Variants in CYP4F8 observed in about 807,000 individuals in gnomAD.
CYP4F8 encodes cytochrome P450 4F8.
In CYP4F8, 56 loss-of-function variants were observed where a neutral mutation model predicts 55.0. That is an observed-to-expected ratio of 1.02 (90% CI 0.82 to 1.27). CYP4F8 has a LOEUF of 1.27. CYP4F8 is among the 50% of genes most tolerant of loss of function. The pLI, the probability that CYP4F8 is intolerant of heterozygous loss-of-function variation, is 0.00. For synonymous variants in CYP4F8, 288 were observed against 267.3 expected, an observed-to-expected ratio of 1.08 and a Z score of -0.76; for missense variants, 680 against 682.4, an observed-to-expected ratio of 1.00 and a Z score of 0.04.
chr19:15,623,886 A>G (rs1599861382), intron 8 of CYP4F8, 79 bp from the exon 9 acceptor site: 1 of 1,596,688 alleles, frequency 6.3e-7, no homozygotes, highest in African/African-American at 1.3e-5. Flanking sequence ...CCTTCCTGAG[A>G]GCCTCAATGT....
rs1191307158 is a variant in CYP4F8 at position 15,630,566 on chromosome 19, T to C, written c.*1208T>C. Reference sequence around the variant, plus strand: ...CACATTTTCTTTATCCACTCCACCATTGATGGGCACCTGTGTTGATTCAGC... The same window carrying C: ...CACATTTTCTTTATCCACTCCACCACTGATGGGCACCTGTGTTGATTCAGC... On this transcript the variant is annotated 3_prime_UTR_variant, in exon 13 of 13. Coordinates refer to ENST00000612078, the MANE Select transcript of CYP4F8 (RefSeq NM_007253.4). 5 of 152,342 alleles carry C rather than the reference T, an allele frequency of 3.3e-5. No homozygotes were observed. Among genetic ancestry groups the C allele is most frequent in the East Asian group, 1.9e-4 (1 of 5,186 alleles). 9.4% of individuals were successfully genotyped at this position (152,342 alleles called of 1,614,324 possible).
chr19:15,616,680 C>T (rs992369559), intron 2 of CYP4F8, among the ~76,000 whole-genome samples: 7 of 152,174 alleles, frequency 4.6e-5, no homozygotes, highest in South Asian at 2.1e-4. Flanking sequence ...CACCCTCCCC[C>T]GTGCAGGGGC....
At chr19:15,619,957 C>A (rs8107048) in intron 5 of CYP4F8, among the ~76,000 whole-genome samples, 195 bp downstream of exon 5, 21,064 of 152,172 alleles carry the variant, frequency 0.14, 1,915 homozygotes, top group Middle Eastern at 0.23. Flanking sequence ...GTCTCTGACA[C>A]TTAGTAGGTG....
At chr19:15,622,466 A>AAGAAGGAG (rs1972207342) in intron 6 of CYP4F8, 126 bp downstream of exon 6, 1 of 1,313,700 alleles carries the variant, frequency 7.6e-7, no homozygotes, top group Non-Finnish European at 1.0e-6. Flanking sequence ...TTGAAGGACA[A>AAGAAGGAG]AGAAGGAGAG....
chr19:15,621,843 TCCCAAGTTCAC>T (rs1972197804), intron 5 of CYP4F8: 1 of 174,600 alleles, frequency 5.7e-6, no homozygotes, highest in Admixed American at 6.1e-5. Context: ...TAGAGAGATT[TCCCAAGTTCAC>T]CCAGCTTGTC....
At position 15,623,312 on chromosome 19, in the gene CYP4F8, C is replaced by G. The variant is rs368353482; in HGVS notation, c.855C>G (p.Asp285Glu). Residue 285 changes from aspartate (D) to glutamate (E), a missense_variant, in exon 7 of 13, where the codon GAC becomes GAG. By Grantham distance (45) the Asp-to-Glu change is conservative. Transcript: ENST00000612078. ...RRTLTSQGVD[D>E]FLQAKAKSKT... is the part of the protein sequence containing the mutation. ...CCCTCACTAGCCAGGGTGTTGATGA[C>G]TTCCTCCAAGCCAAGGCCAAGTCCA... is the stretch of plus-strand genomic sequence containing the variant. 2.7e-5 allele frequency: 43 copies of G among 1,613,950 alleles called. No individual in the cohort carries two copies. The highest frequency in any genetic ancestry group is 3.5e-5 in the Non-Finnish European group (41 of 1,180,022).
chr19:15,629,801 G>C lies in CYP4F8; in HGVS notation c.*443G>C, dbSNP rs937703390. On this transcript the variant is annotated 3_prime_UTR_variant, in exon 13 of 13. Transcript: ENST00000612078. ...ATGTGTAGAAGCCAAAGATTATGTGGTAATTCTGGTAACCTTTCTTAAGAG... is the reference window on the plus strand; with the variant it reads ...ATGTGTAGAAGCCAAAGATTATGTGCTAATTCTGGTAACCTTTCTTAAGAG... 1 of 154,662 alleles carries C rather than the reference G, an allele frequency of 6.5e-6. No individual in the cohort carries two copies. Among genetic ancestry groups the C allele is most frequent in the African/African-American group, 2.4e-5 (1 of 41,458 alleles). The allele number at this position is 154,662 out of a possible 1,614,324, so 9.6% of individuals were successfully genotyped here.
chr19:15,620,643 C>T (rs745623436), intron 5 of CYP4F8, among the ~76,000 whole-genome samples: 47 of 152,248 alleles, frequency 3.1e-4, no homozygotes, highest in Non-Finnish European at 6.2e-4. Flanking sequence ...CTGCCCTCCT[C>T]GGCCTCACAA....
Position 15,629,480 on chromosome 19 carries a change from G to C in CYP4F8, c.*122G>C. 2.2e-6 allele frequency: 3 copies of C among 1,363,504 alleles called. No individual in the cohort carries two copies. In the South Asian group the frequency reaches 4.6e-5, roughly 21 times the overall value. The allele number at this position is 1,363,504 out of a possible 1,614,324, so 84.5% of individuals were successfully genotyped here. ...CCTCAGTCCCGCGGATGGCCAGTAGGGGGCGCTGGAGGACTGCGGGGATCT... is the reference window on the plus strand; with the variant it reads ...CCTCAGTCCCGCGGATGGCCAGTAGCGGGCGCTGGAGGACTGCGGGGATCT... On this transcript the variant is annotated 3_prime_UTR_variant, in exon 13 of 13. Transcript: ENST00000612078.
At position 15,618,071 on chromosome 19, in the gene CYP4F8, G is replaced by C; in HGVS notation, c.270G>C (p.Arg90Ser). 6.2e-7 allele frequency: 1 copy of C among 1,614,066 alleles called. No homozygotes were observed. The highest frequency in any genetic ancestry group is 1.1e-5 in the South Asian group (1 of 91,074). Reference protein sequence around the residue: ...LVATYPQGFVRWLGPITPIIN... With the variant: ...LVATYPQGFVSWLGPITPIIN... ...CCACCTACCCCCAGGGCTTTGTGAG[G>C]TGGTTGGGCCCCATCACTCCCATCA... Residue 90 changes from arginine to serine, a missense_variant, in exon 3 of 13, where the codon AGG (arginine) becomes AGC (serine). By Grantham distance (110) the Arg-to-Ser change is moderately radical (BLOSUM62 -1). Coordinates refer to ENST00000612078, the MANE Select transcript of CYP4F8 (RefSeq NM_007253.4).
chr19:15,630,198 A>G lies in CYP4F8; in HGVS notation c.*840A>G, dbSNP rs2144614907. ...ATGTTTATTTTAGAATCAGGTGCTA[A>G]CATGCAAATTTATTACAAAGGTATA... is the stretch of plus-strand genomic sequence containing the variant. On this transcript the variant is annotated 3_prime_UTR_variant, in exon 13 of 13. Transcript: ENST00000612078. 1 of 152,292 alleles carries G rather than the reference A, an allele frequency of 6.6e-6. No individual in the cohort carries two copies. Among genetic ancestry groups the G allele is most frequent in the South Asian group, 2.1e-4 (1 of 4,822 alleles). The allele number at this position is 152,292 out of a possible 1,614,324, so 9.4% of individuals were successfully genotyped here. A position where few individuals can be genotyped will look rare whatever the true frequency, so the allele number is the denominator to read the frequency against.
At chr19:15,615,857 G>C (rs1972109425) in intron 2 of CYP4F8, 43 bp downstream of exon 2, 1 of 1,546,948 alleles carries the variant, frequency 6.5e-7, no homozygotes, top group Admixed American at 1.9e-5. Flanking sequence ...GGGTGGAAGG[G>C]TGGAAATGGG....
At chr19:15,617,596 T>C (rs1489755290) in intron 2 of CYP4F8, among the ~76,000 whole-genome samples, 1 of 152,130 alleles carries the variant, frequency 6.6e-6, no homozygotes, top group Non-Finnish European at 1.5e-5. Context: ...GCATTTATTA[T>C]AGGAATTGAC....
intron 9 of CYP4F8, among the ~76,000 whole-genome samples, chr19:15,624,728 A>G (rs1972240518): frequency 6.6e-6 from 1 of 152,212 alleles, no homozygotes; most frequent in Non-Finnish European, 1.5e-5. Context: ...TTATGAAACT[A>G]AAACATTTGC....
intron 12 of CYP4F8, 119 bp from the exon 13 acceptor site, chr19:15,629,074 T>TC: frequency 7.2e-7 from 1 of 1,398,072 alleles, no homozygotes; most frequent in African/African-American, 1.5e-5. Context: ...AGACCCAGCT[T>TC]CCCCCCTGTC....
At position 15,629,497 on chromosome 19, in the gene CYP4F8, C is replaced by CG. The variant is rs1972309134; in HGVS notation, c.*143dup. 4 of 1,239,606 alleles carry CG rather than the reference C, an allele frequency of 3.2e-6. No individual in the cohort carries two copies. The highest frequency in any genetic ancestry group is 4.3e-6 in the Non-Finnish European group (4 of 928,386). The allele number at this position is 1,239,606 out of a possible 1,614,324, so 76.8% of individuals were successfully genotyped here. ...GCCAGTAGGGGGCGCTGGAGGACTG[C>CG]GGGGATCTAGGGCCTGGCTGGGAAG... On this transcript the variant is annotated 3_prime_UTR_variant, in exon 13 of 13. Transcript: ENST00000612078.
chr19:15,629,244 G>C lies in CYP4F8; in HGVS notation c.1449G>C (p.Ala483=), dbSNP rs757523269. 7 of 1,613,184 alleles carry C rather than the reference G, an allele frequency of 4.3e-6. No individual in the cohort carries two copies. The East Asian group carries it at 1.1e-4, about 26-fold the overall frequency. The change falls in exon 13 of 13, where the codon GCG becomes GCC. Residue 483 remains alanine, a synonymous_variant. Transcript: ENST00000612078. ...FAMAEMKVVL[A]LTLLRFRILP... ...TGGCAGAGATGAAGGTGGTCCTGGC[G>C]CTCACGCTGCTGCGCTTCCGCATCC...
intron 2 of CYP4F8, among the ~76,000 whole-genome samples, chr19:15,617,535 A>ATCT (rs1972139777): frequency 2.9e-5 from 4 of 136,318 alleles, no homozygotes; most frequent in African/African-American, 5.4e-5. Context: ...TCTATCTATC[A>ATCT]GTCCGTCTGT....
In CYP4F8 at chr19:15,624,106, T is replaced by C; in HGVS notation, c.1115+12T>C. 1 of 1,611,756 alleles carries C rather than the reference T, an allele frequency of 6.2e-7. No individual in the cohort carries two copies. On this transcript the variant is annotated intron_variant, in intron 9 of 12. Coordinates refer to ENST00000612078, the MANE Select transcript of CYP4F8 (RefSeq NM_007253.4). ...AAAGAGATTGAATGGTGAGTGCAGG[T>C]GCTGGTGGCTCTGCCTTTCTGCCTT... is the stretch of plus-strand genomic sequence containing the variant.
Sources: gnomAD v4.1 joint callset for allele counts (sites outside exome capture counted in the v4.1 genomes callset) on GRCh38, gnomAD v4.1.1 for gene constraint, MANE v1.5 for transcripts, NCBI Gene and HGNC (gene_info 2026-07-23, HGNC 2026-07-21) for gene names.